Variants in ZFAT observed in about 807,000 individuals in gnomAD.
ZFAT encodes zinc finger protein ZFAT.
In ZFAT, 64 loss-of-function variants were observed where a neutral mutation model predicts 117.7. The ratio of observed to expected loss-of-function variants is 0.54; its 90% CI spans 0.44 to 0.67. ZFAT has a LOEUF of 0.67. ZFAT is among the 30% of genes least tolerant of loss of function. The pLI, the probability that ZFAT is intolerant of heterozygous loss-of-function variation, is 0.00. For synonymous variants in ZFAT, 679 were observed against 615.0 expected, an observed-to-expected ratio of 1.10 and a Z score of -1.54; for missense variants, 1,433 against 1,584.5, an observed-to-expected ratio of 0.90 and a Z score of 1.62.
the ZFAT span, among the ~76,000 whole-genome samples, chr8:134,773,121 GA>G: frequency 2.0e-5 from 3 of 147,620 alleles, no homozygotes; most frequent in Middle Eastern, 3.5e-3. Flanking sequence ...AATAGAAAAA[GA>G]AAAAGAAAAA....
chr8:134,683,608 T>C (rs902214457), intron 1 of ZFAT, among the ~76,000 whole-genome samples: 1 of 152,014 alleles, frequency 6.6e-6, no homozygotes, highest in Non-Finnish European at 1.5e-5. Flanking sequence ...GAGCCTTGCC[T>C]GTTGGAAGAG....
intron 13 of ZFAT, among the ~76,000 whole-genome samples, chr8:134,515,671 A>C (rs969946923): frequency 1.3e-5 from 2 of 151,866 alleles, no homozygotes; most frequent in African/African-American, 4.8e-5. Context: ...TTTTCTTGTA[A>C]ATTTGTTTAA....
chr8:134,787,381 T>C, the ZFAT span, among the ~76,000 whole-genome samples: 1 of 152,208 alleles, frequency 6.6e-6, no homozygotes. Flanking sequence ...TCTACTTTTT[T>C]CCCCAATACA....
At chr8:134,784,801 T>C in the ZFAT span, 1 of 152,226 alleles carries the variant, frequency 6.6e-6, no homozygotes, top group Non-Finnish European at 1.5e-5. Flanking sequence ...CTGCATTTAT[T>C]AGTATCTTTA....
rs1184886175 is a variant in ZFAT, at chr8:134,478,535, C to T, written c.3679G>A (p.Ala1227Thr). 3 of 1,590,792 alleles carry T rather than the reference C, an allele frequency of 1.9e-6. No individual in the cohort carries two copies. Among genetic ancestry groups the T allele is most frequent in the Admixed American group, 3.5e-5 (2 of 57,100 alleles). The change falls in exon 16 of 16, where the codon GCC becomes ACC. Residue 1227 changes from alanine to threonine, a missense_variant. Ala to Thr is a moderately conservative substitution (Grantham distance 58). Transcript: ENST00000377838. The surrounding 1 kb of genome is among the most constrained non-coding windows in gnomAD (Gnocchi z 5.2). ...GCCTGCTCCTCCACAGGCTGCATGG[C>T]CTCCTGCACGTAGACGATGAACTCC... ...ASEFIVYVQEAMQPVEEQAVE... is the reference protein window; with the variant it reads ...ASEFIVYVQETMQPVEEQAVE...
chr8:134,544,946 G>A (rs893536036), intron 11 of ZFAT, among the ~76,000 whole-genome samples: 2 of 152,146 alleles, frequency 1.3e-5, no homozygotes, highest in African/African-American at 2.4e-5. Context: ...GTCCTCTGTG[G>A]GTGTATGTAT....
chr8:134,747,247 C>G, the ZFAT span, among the ~76,000 whole-genome samples: 2 of 152,214 alleles, frequency 1.3e-5, no homozygotes, highest in Middle Eastern at 3.4e-3. Flanking sequence ...TGCCACCACA[C>G]CCAGCTAATT....
intron 11 of ZFAT, among the ~76,000 whole-genome samples, chr8:134,563,949 T>A (rs187336773): frequency 6.6e-6 from 1 of 151,770 alleles, no homozygotes; most frequent in Non-Finnish European, 1.5e-5. Context: ...ATAAAAATAT[T>A]TAGGTTGCTC....
intron 10 of ZFAT, among the ~76,000 whole-genome samples, chr8:134,578,480 A>C (rs1417645412): frequency 1.3e-5 from 2 of 149,902 alleles, no homozygotes; most frequent in African/African-American, 2.5e-5. Flanking sequence ...GGAGAGTAGG[A>C]GAAGACATCA....
chr8:134,773,928 G>A, the ZFAT span, among the ~76,000 whole-genome samples: 1 of 148,112 alleles, frequency 6.8e-6, no homozygotes, highest in Non-Finnish European at 1.5e-5. Flanking sequence ...GACAGCAAAA[G>A]ATTTATAATA....
chr8:134,682,102 G>A (rs566681831), intron 1 of ZFAT, among the ~76,000 whole-genome samples: 3 of 152,268 alleles, frequency 2.0e-5, no homozygotes, highest in African/African-American at 4.8e-5. Flanking sequence ...GGAAGAAGCC[G>A]ATGAGAAGGG....
chr8:134,779,266 A>G, the ZFAT span, among the ~76,000 whole-genome samples: 1 of 151,850 alleles, frequency 6.6e-6, no homozygotes, highest in South Asian at 2.1e-4. Flanking sequence ...AACAATTTAG[A>G]TCATGAAAAA....
chr8:134,687,104 C>T (rs1289526090), intron 1 of ZFAT, among the ~76,000 whole-genome samples: 1 of 152,180 alleles, frequency 6.6e-6, no homozygotes, highest in African/African-American at 2.4e-5. Flanking sequence ...CCTGCTGCTC[C>T]CCTGCCCATA....
At chr8:134,496,698 C>A (rs966554697) in intron 15 of ZFAT, among the ~76,000 whole-genome samples, 3 of 152,246 alleles carry the variant, frequency 2.0e-5, no homozygotes, top group South Asian at 4.1e-4. Context: ...TCTCATGGAG[C>A]TTCCAGTTTG....
chr8:134,831,360 CTTT>C, the ZFAT span, among the ~76,000 whole-genome samples: 1 of 152,206 alleles, frequency 6.6e-6, no homozygotes, highest in Non-Finnish European at 1.5e-5. Flanking sequence ...TCCCAAGTAA[CTTT>C]TTTATCATTT....
the ZFAT span, among the ~76,000 whole-genome samples, chr8:134,801,049 A>T: frequency 6.6e-6 from 1 of 152,170 alleles, no homozygotes; most frequent in African/African-American, 2.4e-5. Context: ...TGCATTTATA[A>T]GAACTTACTT....
chr8:134,712,724 CGGCGGCCGGCGGCCG>C, intron 1 of ZFAT, 106 bp downstream of exon 1: 1 of 749,404 alleles, frequency 1.3e-6, no homozygotes, highest in South Asian at 2.6e-5. Context: ...CCTCCGCGGC[CGGCGGCCGGCGGCCG>C]GCGGCCGGCG....
At chr8:134,513,919 AAAG>A (rs1433839026) in intron 13 of ZFAT, among the ~76,000 whole-genome samples, 2 of 152,250 alleles carry the variant, frequency 1.3e-5, no homozygotes, top group African/African-American at 2.4e-5. Flanking sequence ...AAATGAACAA[AAAG>A]AAGAACATTT....
At chr8:134,730,209 G>A in the ZFAT span, among the ~76,000 whole-genome samples, 4 of 152,228 alleles carry the variant, frequency 2.6e-5, no homozygotes, top group African/African-American at 9.6e-5. Context: ...TCCAGAGGGA[G>A]CAATGCCCCG....
Sources: gnomAD v4.1 joint callset for allele counts (sites outside exome capture counted in the v4.1 genomes callset) on GRCh38, gnomAD v4.1.1 for gene constraint, Gnocchi (gnomAD v3.1) non-coding constraint, MANE v1.5 for transcripts, NCBI Gene and HGNC (gene_info 2026-07-23, HGNC 2026-07-21) for gene names.